SLC35F4: variants seen among roughly 807,000 people sequenced by gnomAD.
The protein encoded by SLC35F4 is chromosome 14 open reading frame 36.
SLC35F4 carries 24 observed loss-of-function variants against 44.2 expected under a neutral mutation model. The ratio of observed to expected loss-of-function variants is 0.54; its 90% CI spans 0.39 to 0.76. The LOEUF is 0.76. SLC35F4 is among the 30% of genes least tolerant of loss of function. SLC35F4 has a pLI of 0.00. For synonymous variants in SLC35F4, 238 were observed against 223.6 expected, an observed-to-expected ratio of 1.06 and a Z score of -0.57; for missense variants, 562 against 586.1, an observed-to-expected ratio of 0.96 and a Z score of 0.42.
At chr14:57,821,081 A>G (rs1883129407) in intron 1 of SLC35F4, among the ~76,000 whole-genome samples, 1 of 152,174 alleles carries the variant, frequency 6.6e-6, no homozygotes, top group South Asian at 2.1e-4. Context: ...CTTAATTGCC[A>G]TTGTTGCCTG....
chr14:57,581,626 A>G (rs1017715563), intron 3 of SLC35F4, among the ~76,000 whole-genome samples, 193 bp from the exon 4 acceptor site: 2 of 152,236 alleles, frequency 1.3e-5, no homozygotes, highest in Admixed American at 1.3e-4. Context: ...AATAGCCCAC[A>G]TGTGCCCAAG....
intron 1 of SLC35F4, among the ~76,000 whole-genome samples, chr14:57,933,742 A>C (rs1292843061): frequency 6.6e-6 from 1 of 152,224 alleles, no homozygotes; most frequent in Non-Finnish European, 1.5e-5. Flanking sequence ...AAAAACCTTA[A>C]GGGATTTGAG....
At chr14:57,685,743 C>G (rs2075047003) in intron 1 of SLC35F4, among the ~76,000 whole-genome samples, 2 of 152,246 alleles carry the variant, frequency 1.3e-5, no homozygotes, top group African/African-American at 2.4e-5. Flanking sequence ...AGGCTCTTTG[C>G]CCCAGAGACT....
rs369076977 is a variant in SLC35F4 at position 57,575,503 on chromosome 14, G to GA, written c.808-3485dup. Among the ~76,000 whole-genome samples, 97 of 147,978 alleles carry GA rather than the reference G, an allele frequency of 6.6e-4. 1 individual carries two copies. Among genetic ancestry groups the GA allele is most frequent in the East Asian group, 2.2e-3 (11 of 5,066 alleles). On this transcript the variant is annotated intron_variant, in intron 4 of 7. Coordinates refer to ENST00000556826, the MANE Select transcript of SLC35F4 (RefSeq NM_001306087.2). ...CTCAAAAACAAACAAAAAAGATGGGGAAAAAAAAAACTCACCATTACCATT... is the reference window on the plus strand; with the variant it reads ...CTCAAAAACAAACAAAAAAGATGGGGAAAAAAAAAAACTCACCATTACCATT...
chr14:57,673,772 G>T (rs796417251), intron 1 of SLC35F4, among the ~76,000 whole-genome samples: 1 of 152,018 alleles, frequency 6.6e-6, no homozygotes, highest in South Asian at 2.1e-4. Context: ...AAATTTATTG[G>T]AGAGGTCACA....
At chr14:57,588,067 C>G (rs1173431872) in intron 3 of SLC35F4, among the ~76,000 whole-genome samples, 1 of 151,910 alleles carries the variant, frequency 6.6e-6, no homozygotes, top group Non-Finnish European at 1.5e-5. Context: ...GCGCTTGTAA[C>G]CCAAGCTACT....
chr14:57,627,735 T>A (rs771573724), intron 1 of SLC35F4, among the ~76,000 whole-genome samples: 5 of 152,134 alleles, frequency 3.3e-5, no homozygotes, highest in Admixed American at 6.6e-5. Flanking sequence ...AGTAAAAATG[T>A]TATCAATTTA....
intron 1 of SLC35F4, among the ~76,000 whole-genome samples, chr14:57,609,080 A>C (rs951528333): frequency 6.6e-6 from 1 of 152,154 alleles, no homozygotes; most frequent in African/African-American, 2.4e-5. Context: ...AAATTGTGTT[A>C]ATTTAAGGAG....
intron 1 of SLC35F4, among the ~76,000 whole-genome samples, chr14:57,824,184 A>T (rs1010917259): frequency 6.6e-6 from 1 of 152,158 alleles, no homozygotes; most frequent in Non-Finnish European, 1.5e-5. Flanking sequence ...TTCTGTTTGC[A>T]TGTATCAGAA....
At chr14:57,798,121 CAAAAA>C (rs60685029) in intron 1 of SLC35F4, among the ~76,000 whole-genome samples, 2 of 42,074 alleles carry the variant, frequency 4.8e-5, no homozygotes, top group Admixed American at 3.1e-4. Context: ...GACCCACGAG[CAAAAA>C]AAAAAAAAAA....
At chr14:57,610,319 G>C (rs558452403) in intron 1 of SLC35F4, among the ~76,000 whole-genome samples, 1 of 152,266 alleles carries the variant, frequency 6.6e-6, no homozygotes, top group Admixed American at 6.5e-5. Context: ...CCTGAGCCTG[G>C]AGGGTGTGAG....
intron 1 of SLC35F4, among the ~76,000 whole-genome samples, chr14:57,760,245 A>T (rs561529916): frequency 2.0e-5 from 3 of 152,200 alleles, no homozygotes; most frequent in African/African-American, 7.2e-5. Flanking sequence ...ATTATTTTGC[A>T]TGTGGAAATC....
intron 3 of SLC35F4, among the ~76,000 whole-genome samples, chr14:57,584,105 G>A (rs79046888): frequency 0.013 from 1,982 of 152,270 alleles, 42 homozygotes; most frequent in African/African-American, 0.045. Context: ...TTTGGCTCCA[G>A]TTTGATGCTA....
chr14:57,805,808 T>A (rs972242323), intron 1 of SLC35F4, among the ~76,000 whole-genome samples: 17 of 152,216 alleles, frequency 1.1e-4, no homozygotes, highest in Admixed American at 6.5e-4. Context: ...TTTGTAAAAA[T>A]TTGCAATCAT....
chr14:57,848,819 G>A (rs2140979987), intron 1 of SLC35F4, among the ~76,000 whole-genome samples: 1 of 152,288 alleles, frequency 6.6e-6, no homozygotes, highest in East Asian at 1.9e-4. Context: ...CTAAGCTCAG[G>A]ATTCCTCGAC....
At chr14:57,888,201 C>G (rs1268546142) in intron 1 of SLC35F4, among the ~76,000 whole-genome samples, 1 of 152,078 alleles carries the variant, frequency 6.6e-6, no homozygotes, top group Non-Finnish European at 1.5e-5. Flanking sequence ...GAGTTCAGAC[C>G]AACTACTAAG....
intron 1 of SLC35F4, among the ~76,000 whole-genome samples, chr14:57,764,594 C>T (rs1208809498): frequency 6.6e-6 from 1 of 152,194 alleles, no homozygotes; most frequent in East Asian, 1.9e-4. Flanking sequence ...TGCTACTAAG[C>T]TCCAGGATTT....
intron 1 of SLC35F4, among the ~76,000 whole-genome samples, chr14:57,958,178 C>T (rs555150537): frequency 6.6e-6 from 1 of 152,260 alleles, no homozygotes; most frequent in East Asian, 1.9e-4. Context: ...CTGCCTCAGC[C>T]TCCCCAGCAG....
At chr14:57,706,147 G>A (rs1266568597) in intron 1 of SLC35F4, among the ~76,000 whole-genome samples, 3 of 152,206 alleles carry the variant, frequency 2.0e-5, no homozygotes, top group Admixed American at 1.3e-4. Context: ...ACTGTGAACT[G>A]TGAATGATCG....
Sources: allele counts gnomAD v4.1 joint callset (sites outside exome capture counted in the v4.1 genomes callset), GRCh38; gene constraint gnomAD v4.1.1; transcripts MANE v1.5; gene names NCBI Gene and HGNC (gene_info 2026-07-23, HGNC 2026-07-21).